CTNNBL1: variants seen among roughly 807,000 people sequenced by gnomAD.
The protein encoded by CTNNBL1 is catenin beta like 1, also known as beta-catenin-like protein 1.
Under a neutral mutation model 72.7 loss-of-function variants are expected in CTNNBL1, and 31 were observed. That is an observed-to-expected ratio of 0.43 (90% CI 0.32 to 0.58). The LOEUF is 0.58. Among genes scored for constraint, CTNNBL1 ranks in the 20% least tolerant of loss-of-function variants. The pLI is 0.08. For missense variants in CTNNBL1, 534 were observed against 725.1 expected, an observed-to-expected ratio of 0.74 and a Z score of 3.03; for synonymous variants, 240 against 267.3, an observed-to-expected ratio of 0.90 and a Z score of 1.00.
intron 11 of CTNNBL1, among the ~76,000 whole-genome samples, chr20:37,811,197 G>C (rs886532521): frequency 3.3e-5 from 5 of 152,088 alleles, no homozygotes; most frequent in Admixed American, 6.6e-5. Flanking sequence ...TCCCCGAGAG[G>C]ATATACCAAG....
intron 10 of CTNNBL1, among the ~76,000 whole-genome samples, chr20:37,801,147 TGA>T (rs1489034985): frequency 6.6e-6 from 1 of 152,206 alleles, no homozygotes; most frequent in Non-Finnish European, 1.5e-5. Flanking sequence ...CCCAATCATG[TGA>T]GAGTTATCCA....
At chr20:37,848,032 A>C (rs2072361632) in intron 13 of CTNNBL1, 1 of 152,438 alleles carries the variant, frequency 6.6e-6, no homozygotes, top group African/African-American at 2.4e-5. Context: ...GATGGTAGAC[A>C]GTGAAACTGT....
intron 15 of CTNNBL1, among the ~76,000 whole-genome samples, chr20:37,866,101 T>C (rs917151807): frequency 6.6e-6 from 1 of 152,192 alleles, no homozygotes; most frequent in Non-Finnish European, 1.5e-5. Context: ...CACAGGGTAT[T>C]TGGAGGCAGG....
At position 37,860,386 on chromosome 20, in the gene CTNNBL1, G is replaced by A. The variant is rs552470796; in HGVS notation, c.1603+42G>A. 251 of 1,454,626 alleles carry A rather than the reference G, an allele frequency of 1.7e-4. 1 individual carries two copies. In the South Asian group the frequency reaches 2.4e-3, roughly 14 times the overall value. 90.1% of individuals were successfully genotyped at this position (1,454,626 alleles called of 1,614,324 possible). A position where few individuals can be genotyped will look rare whatever the true frequency, so the allele number is the denominator to read the frequency against. On this transcript the variant is annotated intron_variant, in intron 15 of 15. Transcript: ENST00000361383. ...TCATGTCTGGGGCTCCAGAGGATTAGATGATGCTTACTTTCTGAGCCTCTG... is the reference window on the plus strand; with the variant it reads ...TCATGTCTGGGGCTCCAGAGGATTAAATGATGCTTACTTTCTGAGCCTCTG...
chr20:37,735,220 C>T (rs1461100553), intron 2 of CTNNBL1, among the ~76,000 whole-genome samples: 1 of 152,140 alleles, frequency 6.6e-6, no homozygotes, highest in Non-Finnish European at 1.5e-5. Context: ...CTTCCCCTCC[C>T]CTCCCCTCCT....
intron 10 of CTNNBL1, among the ~76,000 whole-genome samples, chr20:37,793,106 T>C (rs939995522): frequency 6.6e-6 from 1 of 152,214 alleles, no homozygotes; most frequent in Non-Finnish European, 1.5e-5. Flanking sequence ...GTATTTGCTG[T>C]TGTTGGGTGG....
chr20:37,858,997 A>G (rs2072466790), intron 13 of CTNNBL1, among the ~76,000 whole-genome samples: 1 of 152,222 alleles, frequency 6.6e-6, no homozygotes, highest in Admixed American at 6.5e-5. Flanking sequence ...TTTGGAAGGC[A>G]GATTTAAGTA....
intron 11 of CTNNBL1, among the ~76,000 whole-genome samples, chr20:37,808,040 C>T (rs1356805244): frequency 1.3e-5 from 2 of 152,128 alleles, no homozygotes; most frequent in African/African-American, 2.4e-5. Context: ...TAGTTAATTG[C>T]GCTGTTTTAA....
rs576272093 is a variant in CTNNBL1, at chr20:37,787,600, T to C, written c.1031+8265T>C. Among the ~76,000 whole-genome samples, 59 of 152,340 alleles carry C rather than the reference T, an allele frequency of 3.9e-4. No individual in the cohort carries two copies. In the East Asian group the frequency reaches 7.3e-3, roughly 19 times the overall value. Reference sequence around the variant, plus strand: ...ACCTCGTGATCCGCACGCCTTGGCCTCCCAAAGTGCTGGGATTACAGGCGT... The same window carrying C: ...ACCTCGTGATCCGCACGCCTTGGCCCCCCAAAGTGCTGGGATTACAGGCGT... On this transcript the variant is annotated intron_variant, in intron 10 of 15. Transcript: ENST00000361383.
intron 11 of CTNNBL1, among the ~76,000 whole-genome samples, chr20:37,831,276 G>A (rs1348612859): frequency 6.6e-6 from 1 of 152,082 alleles, no homozygotes; most frequent in Non-Finnish European, 1.5e-5. Context: ...CTGAATTAGG[G>A]GTCCTTCACA....
rs1192091408 is a variant in CTNNBL1 at position 37,777,111 on chromosome 20, G to A, written c.751-234G>A. Reference sequence around the variant, plus strand: ...GGGAAATCTTGGAAGTCTTCACCGAGGAGGTAACCTTAATACCTGGGCATT... The same window carrying A: ...GGGAAATCTTGGAAGTCTTCACCGAAGAGGTAACCTTAATACCTGGGCATT... On this transcript the variant is annotated intron_variant, in intron 7 of 15. Transcript: ENST00000361383. Among the ~76,000 whole-genome samples the A allele has an allele frequency of 2.2e-4, 33 of 152,236 alleles. No homozygotes were observed. The East Asian group carries it at 5.8e-3, about 27-fold the overall frequency.
At chr20:37,772,277 C>G (rs1277873046) in intron 7 of CTNNBL1, among the ~76,000 whole-genome samples, 1 of 152,224 alleles carries the variant, frequency 6.6e-6, no homozygotes, top group Admixed American at 6.5e-5. Flanking sequence ...TAGGCAAATT[C>G]TTGGGTCCAC....
At chr20:37,760,067 T>A (rs2073401675) in intron 5 of CTNNBL1, among the ~76,000 whole-genome samples, 1 of 152,212 alleles carries the variant, frequency 6.6e-6, no homozygotes, top group Non-Finnish European at 1.5e-5. Flanking sequence ...TTCTCAGGGA[T>A]CTTCGGGGTT....
intron 1 of CTNNBL1, among the ~76,000 whole-genome samples, chr20:37,721,903 A>G (rs1053924531): frequency 3.9e-5 from 6 of 152,226 alleles, no homozygotes; most frequent in African/African-American, 1.4e-4. Flanking sequence ...GAATATATGC[A>G]TCAGTGGTAT....
intron 11 of CTNNBL1, among the ~76,000 whole-genome samples, chr20:37,834,269 C>T (rs906026657): frequency 1.4e-5 from 2 of 145,518 alleles, no homozygotes; most frequent in African/African-American, 5.0e-5. Context: ...AAAGAACATT[C>T]TCTTGCAACT....
At chr20:37,796,318 C>T (rs2073773784) in intron 10 of CTNNBL1, among the ~76,000 whole-genome samples, 1 of 152,158 alleles carries the variant, frequency 6.6e-6, no homozygotes, top group African/African-American at 2.4e-5. Flanking sequence ...AGCTGCATTG[C>T]TCTGCCGGAC....
chr20:37,847,939 G>A (rs1010090082), intron 13 of CTNNBL1: 1 of 152,550 alleles, frequency 6.6e-6, no homozygotes, highest in Non-Finnish European at 1.5e-5. Context: ...CTTTGCATTC[G>A]AAGCTCATTT....
In CTNNBL1 at chr20:37,719,097, T is replaced by C. The variant is rs74749257; in HGVS notation, c.31-13782T>C. Among the ~76,000 whole-genome samples, 1,041 of 152,196 alleles carry C rather than the reference T, an allele frequency of 6.8e-3. 6 individuals are homozygous for C. The highest frequency in any genetic ancestry group is 0.01 in the Non-Finnish European group (705 of 68,004). On this transcript the variant is annotated intron_variant, in intron 1 of 15. Coordinates refer to ENST00000361383, the MANE Select transcript of CTNNBL1 (RefSeq NM_030877.5). ...TATCCTTGATGCCACCATTGGAAAA[T>C]TTACCAGATTATATATAGATATGGC...
intron 10 of CTNNBL1, among the ~76,000 whole-genome samples, chr20:37,802,484 G>T (rs1273932496): frequency 6.6e-6 from 1 of 152,112 alleles, no homozygotes; most frequent in Non-Finnish European, 1.5e-5. Context: ...ATTTTAACTG[G>T]TAGAAATTGT....
Sources: allele counts gnomAD v4.1 joint callset (sites outside exome capture counted in the v4.1 genomes callset), GRCh38; gene constraint gnomAD v4.1.1; transcripts MANE v1.5; gene names NCBI Gene and HGNC (gene_info 2026-07-23, HGNC 2026-07-21).